Variants in KIF15 observed in about 807,000 individuals in gnomAD.
KIF15 encodes the protein kinesin family member 15.
Under a neutral mutation model 190.6 loss-of-function variants are expected in KIF15, and 140 were observed. The ratio of observed to expected loss-of-function variants is 0.73; its 90% CI spans 0.64 to 0.84. The LOEUF is 0.84. KIF15 is among the 40% of genes least tolerant of loss of function. KIF15 has a pLI of 0.00. For synonymous variants in KIF15, 528 were observed against 551.3 expected (o/e 0.96, Z 0.59); for missense variants, 1,372 against 1,584.4 (o/e 0.87, Z 2.28).
intron 4 of KIF15, among the ~76,000 whole-genome samples, chr3:44,780,055 T>C (rs1260139735): frequency 6.7e-6 from 1 of 148,664 alleles, no homozygotes; most frequent in Non-Finnish European, 1.5e-5. Context: ...GATTAACATC[T>C]TTAAAATACA....
At chr3:44,822,676 C>T (rs1376492211) in intron 20 of KIF15, among the ~76,000 whole-genome samples, 1 of 152,116 alleles carries the variant, frequency 6.6e-6, no homozygotes, top group Non-Finnish European at 1.5e-5. Context: ...CACATAGTCC[C>T]ATGTTTCTTG....
intron 20 of KIF15, 75 bp downstream of exon 20, chr3:44,815,151 T>C (rs1286929028): frequency 5.9e-6 from 7 of 1,193,280 alleles, no homozygotes; most frequent in Non-Finnish European, 6.8e-6. Flanking sequence ...GGAAGTGTTA[T>C]AAACTCAACT....
intron 26 of KIF15, among the ~76,000 whole-genome samples, chr3:44,835,804 A>G (rs1462535182): frequency 3.9e-5 from 6 of 152,344 alleles, no homozygotes; most frequent in East Asian, 3.9e-4. Context: ...GGTTTAATCA[A>G]TGTATATGTT....
At position 44,810,920 on chromosome 3, in the gene KIF15, C is replaced by T. The variant is rs955618125; in HGVS notation, c.2046C>T (p.Ser682=). The change falls in exon 17 of 35, where the codon AGC becomes AGT. Residue 682 remains serine (S), a synonymous_variant. Coordinates refer to ENST00000326047, the MANE Select transcript of KIF15 (RefSeq NM_020242.3). ...CAAAATTAAGCCCTGAAATGGGAAGCTTTGGCTCTCTATACACTCAGAATT... is the reference window on the plus strand; with the variant it reads ...CAAAATTAAGCCCTGAAATGGGAAGTTTTGGCTCTCTATACACTCAGAATT... ...PVPKLSPEMG[S]FGSLYTQNSS... The T allele has an allele frequency of 1.1e-5, 18 of 1,613,810 alleles. No homozygotes were observed. The highest frequency in any genetic ancestry group is 1.5e-5 in the Non-Finnish European group (18 of 1,179,944).
intron 27 of KIF15, among the ~76,000 whole-genome samples, 188 bp downstream of exon 27, chr3:44,838,609 G>A (rs993698661): frequency 4.6e-5 from 7 of 152,094 alleles, no homozygotes; most frequent in African/African-American, 1.2e-4. Context: ...TTAGCCGGGC[G>A]TGGTGGCGCT....
intron 1 of KIF15, among the ~76,000 whole-genome samples, chr3:44,769,623 G>A (rs1042631428): frequency 4.6e-5 from 7 of 152,142 alleles, no homozygotes; most frequent in Non-Finnish European, 7.3e-5. Flanking sequence ...GCTCACCTGT[G>A]CTGTGCTTTT....
rs139393022 is a variant in KIF15 at position 44,800,331 on chromosome 3, C to G, written c.1116C>G (p.Asp372Glu). ...LIKNKAVVNE[D>E]TQGNVSQLQA... is the part of the protein sequence containing the mutation. ...CTGAACAGGCAGTAGTAAATGAAGA[C>G]ACCCAAGGAAATGTGAGCCAGCTCC... Residue 372 changes from aspartate (D) to glutamate (E), a missense_variant, in exon 11 of 35, where the codon GAC becomes GAG. Physicochemically the swap from Asp to Glu is conservative, Grantham distance 45. Coordinates refer to ENST00000326047, the MANE Select transcript of KIF15 (RefSeq NM_020242.3). The G allele has an allele frequency of 8.7e-6, 14 of 1,613,904 alleles. No homozygotes were observed. The African/African-American group carries it at 1.5e-4, about 17-fold the overall frequency.
chr3:44,814,782 T>G, intron 19 of KIF15, 129 bp from the exon 20 acceptor site: 1 of 621,164 alleles, frequency 1.6e-6, no homozygotes, highest in Non-Finnish European at 2.6e-6. Context: ...ACCCGCCACT[T>G]AATTCTTTAA....
Position 44,815,072 on chromosome 3 carries a change from C to T in KIF15, c.2545C>T (p.Leu849Phe). ...GCATGTACAGCTTCAATTAGATAATCTCAGGTAGAGTTGTTCTTTTATGGT... is the reference window on the plus strand; with the variant it reads ...GCATGTACAGCTTCAATTAGATAATTTCAGGTAGAGTTGTTCTTTTATGGT... ...HMHVQLQLDN[L>F]RLENEKLLES... The change falls in exon 20 of 35, where the codon CTC becomes TTC. Residue 849 changes from leucine (L) to phenylalanine (F), a missense_variant. Physicochemically the swap from Leu to Phe is conservative, Grantham distance 22. Coordinates refer to ENST00000326047, the MANE Select transcript of KIF15 (RefSeq NM_020242.3). 6.3e-7 allele frequency: 1 copy of T among 1,585,206 alleles called. No homozygotes were observed.
chr3:44,862,074 G>A, intron 6 of KIF15: 1 of 1,308,696 alleles, frequency 7.6e-7, no homozygotes, highest in Admixed American at 3.4e-5. Flanking sequence ...GCGCGTTCGG[G>A]GCCCTGGCCG....
intron 29 of KIF15, among the ~76,000 whole-genome samples, chr3:44,842,028 G>A (rs1208803725): frequency 6.6e-6 from 1 of 152,056 alleles, no homozygotes; most frequent in Non-Finnish European, 1.5e-5. Context: ...TCTGAATTTC[G>A]GATCTTTGTC....
chr3:44,795,950 C>T (rs1052842460), intron 8 of KIF15, among the ~76,000 whole-genome samples: 1 of 152,106 alleles, frequency 6.6e-6, no homozygotes, highest in Non-Finnish European at 1.5e-5. Context: ...CAACCTCTGC[C>T]TCTCTGGTTC....
At chr3:44,794,454 T>C (rs1353865936) in intron 8 of KIF15, 28 bp downstream of exon 8, 1 of 1,514,124 alleles carries the variant, frequency 6.6e-7, no homozygotes, top group Non-Finnish European at 9.0e-7. Flanking sequence ...GTCTTCAACT[T>C]GTGTGTGAGT....
At position 44,775,339 on chromosome 3, in the gene KIF15, T is replaced by G; in HGVS notation, c.148T>G (p.Cys50Gly). 6.2e-7 allele frequency: 1 copy of G among 1,614,148 alleles called. No homozygotes were observed. Among genetic ancestry groups the G allele is most frequent in the Non-Finnish European group, 8.5e-7 (1 of 1,179,992 alleles). ...SGSADGEQNL[C>G]LSVLSSTSLR... Reference sequence around the variant, plus strand: ...GTCAGCTGATGGAGAGCAGAACTTATGCTTATCTGTGCTGTCCTCCACGAG... The same window carrying G: ...GTCAGCTGATGGAGAGCAGAACTTAGGCTTATCTGTGCTGTCCTCCACGAG... The change falls in exon 3 of 35, where the codon TGC (cysteine) becomes GGC (glycine). Residue 50 changes from cysteine to glycine, a missense_variant. Coordinates refer to ENST00000326047, the MANE Select transcript of KIF15 (RefSeq NM_020242.3).
chr3:44,761,946 T>C lies in KIF15; in HGVS notation c.19+62T>C, dbSNP rs1276968717. ...GCCCCCAAATACAGCTGTGAAAGGA[T>C]GGCAGCCTCGGACCGCCCGCAAGGT... On this transcript the variant is annotated intron_variant, in intron 1 of 34. Transcript: ENST00000326047. The C allele has an allele frequency of 5.0e-6, 8 of 1,610,044 alleles. No homozygotes were observed. In the South Asian group the frequency reaches 7.7e-5, roughly 15 times the overall value.
At chr3:44,801,561 G>C (rs745635198) in intron 12 of KIF15, 35 bp downstream of exon 12, 12 of 1,366,626 alleles carry the variant, frequency 8.8e-6, no homozygotes, top group Non-Finnish European at 1.1e-5. Context: ...GGAGATTCAA[G>C]ATAGTTAGTT....
intron 6 of KIF15, among the ~76,000 whole-genome samples, chr3:44,861,290 CG>C (rs1699241307): frequency 6.6e-6 from 1 of 152,204 alleles, no homozygotes; most frequent in Non-Finnish European, 1.5e-5. Flanking sequence ...CACGCCCAGC[CG>C]GAAACATTCT....
chr3:44,785,500 A>G (rs1006700035), intron 6 of KIF15, among the ~76,000 whole-genome samples: 4 of 152,144 alleles, frequency 2.6e-5, no homozygotes, highest in South Asian at 2.1e-4. Flanking sequence ...GGGCCTTCTC[A>G]CAGTTGTGCT....
At chr3:44,773,050 C>A (rs1439598464) in intron 1 of KIF15, among the ~76,000 whole-genome samples, 2 of 151,924 alleles carry the variant, frequency 1.3e-5, no homozygotes, top group Middle Eastern at 3.2e-3. Flanking sequence ...CAGCTTAAGA[C>A]CAACCTCACA....
Sources: allele counts gnomAD v4.1 joint callset (sites outside exome capture counted in the v4.1 genomes callset), GRCh38; gene constraint gnomAD v4.1.1; transcripts MANE v1.5; gene names NCBI Gene and HGNC (gene_info 2026-07-23, HGNC 2026-07-21).